The following QTMAN variants were observed in gnomAD, a reference collection of about 807,000 sequenced individuals.
The protein encoded by QTMAN is tRNA-queuosine alpha-mannosyltransferase.
At chr2:144,073,005 A>T in the QTMAN span, among the ~76,000 whole-genome samples, 1 of 152,090 alleles carries the variant, frequency 6.6e-6, no homozygotes, top group Non-Finnish European at 1.5e-5. Flanking sequence ...CTTAGACTCA[A>T]ATGAGTAGCC....
the QTMAN span, among the ~76,000 whole-genome samples, chr2:144,300,932 T>C: frequency 6.6e-6 from 1 of 152,212 alleles, no homozygotes. Context: ...TTAACTATAT[T>C]TCCTTTCCCA....
chr2:144,061,884 G>A, the QTMAN span, among the ~76,000 whole-genome samples: 21 of 152,260 alleles, frequency 1.4e-4, no homozygotes, highest in East Asian at 3.7e-3. Flanking sequence ...AGAGGAGTTC[G>A]ACTGGGGACA....
At chr2:144,221,248 T>C in the QTMAN span, among the ~76,000 whole-genome samples, 1 of 152,160 alleles carries the variant, frequency 6.6e-6, no homozygotes, top group Non-Finnish European at 1.5e-5. Flanking sequence ...ACTATGCATA[T>C]CTTTTGATTC....
chr2:144,302,185 A>C, the QTMAN span, among the ~76,000 whole-genome samples: 1 of 152,036 alleles, frequency 6.6e-6, no homozygotes, highest in Admixed American at 6.6e-5. Context: ...TTGAGGGCTT[A>C]CTTGTGTTTA....
At chr2:144,097,267 C>A in the QTMAN span, among the ~76,000 whole-genome samples, 1 of 152,232 alleles carries the variant, frequency 6.6e-6, no homozygotes, top group Non-Finnish European at 1.5e-5. Context: ...TTACTTACTA[C>A]TTAAAGCATT....
chr2:144,261,576 G>A, the QTMAN span, among the ~76,000 whole-genome samples: 11 of 152,180 alleles, frequency 7.2e-5, no homozygotes, highest in East Asian at 2.1e-3. Context: ...GCAAAAAAGT[G>A]GTAAGCATTC....
the QTMAN span, among the ~76,000 whole-genome samples, chr2:144,185,752 A>C: frequency 2.0e-5 from 3 of 152,176 alleles, no homozygotes; most frequent in Admixed American, 6.6e-5. Flanking sequence ...AGCCACTAGC[A>C]AGCAGGAGTT....
the QTMAN span, among the ~76,000 whole-genome samples, chr2:144,123,179 G>A: frequency 6.6e-6 from 1 of 151,912 alleles, no homozygotes; most frequent in Non-Finnish European, 1.5e-5. Context: ...TTAACTACAA[G>A]CCATGGAAAA....
At chr2:143,953,834 A>C in the QTMAN span, among the ~76,000 whole-genome samples, 1 of 151,918 alleles carries the variant, frequency 6.6e-6, no homozygotes, top group Non-Finnish European at 1.5e-5. Flanking sequence ...ACCCAAGAGT[A>C]CTCTGAAGTC....
the QTMAN span, among the ~76,000 whole-genome samples, chr2:143,982,737 T>C: frequency 6.6e-6 from 1 of 151,332 alleles, no homozygotes; most frequent in Non-Finnish European, 1.5e-5. Flanking sequence ...ATTATGCTCC[T>C]GTAATCCTAG....
At chr2:143,992,238 CA>C in the QTMAN span, among the ~76,000 whole-genome samples, 1 of 149,610 alleles carries the variant, frequency 6.7e-6, no homozygotes, top group South Asian at 2.2e-4. Context: ...CCTTACCCCG[CA>C]ACCCTGTGCT....
At chr2:144,182,830 T>TATA in the QTMAN span, among the ~76,000 whole-genome samples, 1 of 68,318 alleles carries the variant, frequency 1.5e-5, no homozygotes, top group African/African-American at 6.4e-5. Flanking sequence ...ATATATATAA[T>TATA]ATATATATAT....
the QTMAN span, chr2:143,970,549 C>T: frequency 6.8e-6 from 5 of 733,422 alleles, no homozygotes; most frequent in Admixed American, 4.4e-5. Flanking sequence ...GTTAACAGTG[C>T]TCATCTTGAT....
chr2:144,122,345 T>G, the QTMAN span, among the ~76,000 whole-genome samples: 1 of 152,102 alleles, frequency 6.6e-6, no homozygotes, highest in African/African-American at 2.4e-5. Context: ...GGTAAGACAT[T>G]AGAAGAAAAA....
the QTMAN span, among the ~76,000 whole-genome samples, chr2:143,953,305 A>C: frequency 3.3e-5 from 5 of 151,842 alleles, no homozygotes; most frequent in Non-Finnish European, 7.4e-5. Context: ...AAGCATCAGA[A>C]AAAAATTTAC....
At chr2:144,023,443 A>G in the QTMAN span, among the ~76,000 whole-genome samples, 1 of 152,230 alleles carries the variant, frequency 6.6e-6, no homozygotes, top group African/African-American at 2.4e-5. Flanking sequence ...AATTAGAAGA[A>G]AAATCAGACC....
At chr2:144,104,663 T>C in the QTMAN span, among the ~76,000 whole-genome samples, 1 of 152,206 alleles carries the variant, frequency 6.6e-6, no homozygotes, top group Non-Finnish European at 1.5e-5. Flanking sequence ...CCTGCCTCTG[T>C]AGACTCCACC....
the QTMAN span, among the ~76,000 whole-genome samples, chr2:144,029,988 A>G: frequency 6.6e-6 from 1 of 152,206 alleles, no homozygotes; most frequent in Non-Finnish European, 1.5e-5. Flanking sequence ...CCTAATTTCT[A>G]AAGAGATTCA....
chr2:143,943,642 C>T, the QTMAN span: 1 of 152,052 alleles, frequency 6.6e-6, no homozygotes. Flanking sequence ...TCTTTGCTTC[C>T]AGATGCATTT....
Sources: gnomAD v4.1 joint callset for allele counts (sites outside exome capture counted in the v4.1 genomes callset) on GRCh38, gnomAD v4.1.1 for gene constraint, MANE v1.5 for transcripts, NCBI Gene and HGNC (gene_info 2026-07-23, HGNC 2026-07-21) for gene names.